RNF157: variants seen among roughly 807,000 people sequenced by gnomAD.
RNF157 encodes ring finger protein 157, also known as E3 ubiquitin ligase RNF157.
In RNF157, 55 loss-of-function variants were observed where a neutral mutation model predicts 88.3. That is an observed-to-expected ratio of 0.62 (90% CI 0.50 to 0.78). The LOEUF (loss-of-function observed/expected upper bound fraction) is 0.78, where lower values mean the gene tolerates loss of function less well. Among genes scored for constraint, RNF157 ranks in the 30% least tolerant of loss-of-function variants. The probability of loss-of-function intolerance (pLI) is 0.00; values close to 1 mark genes in which losing one functional copy is unlikely to be tolerated. For synonymous variants in RNF157, 334 were observed against 341.2 expected (o/e 0.98, Z 0.23); for missense variants, 788 against 860.8 (o/e 0.92, Z 1.06).
intron 2 of RNF157, among the ~76,000 whole-genome samples, chr17:76,179,814 A>AACAG (rs1252926817): frequency 1.3e-5 from 2 of 152,242 alleles, no homozygotes; most frequent in Admixed American, 1.3e-4. Flanking sequence ...TGAAGCTCAG[A>AACAG]ACAGATTCAG....
At chr17:76,199,100 G>A (rs2069527405) in intron 2 of RNF157, among the ~76,000 whole-genome samples, 1 of 152,226 alleles carries the variant, frequency 6.6e-6, no homozygotes. Flanking sequence ...GAATAATGAA[G>A]GAGTGAGCCA....
intron 2 of RNF157, among the ~76,000 whole-genome samples, chr17:76,180,313 G>A (rs1207265622): frequency 6.6e-6 from 1 of 152,160 alleles, no homozygotes; most frequent in Non-Finnish European, 1.5e-5. Flanking sequence ...GGTCTGCTCA[G>A]GGATTTGGGG....
At position 76,145,200 on chromosome 17, in the gene RNF157, G is replaced by C; in HGVS notation, c.*35C>G. 2.1e-6 allele frequency: 3 copies of C among 1,395,632 alleles called. No individual in the cohort carries two copies. The highest frequency in any genetic ancestry group is 3.0e-6 in the Non-Finnish European group (3 of 988,718). The allele number at this position is 1,395,632 out of a possible 1,614,324, so 86.5% of individuals were successfully genotyped here. Reference sequence around the variant, plus strand: ...GCTGAGTGAGGATGGATGGAATGCAGGGCAGGAGGGGAGCCCAAGTGCAGA... The same window carrying C: ...GCTGAGTGAGGATGGATGGAATGCACGGCAGGAGGGGAGCCCAAGTGCAGA... On this transcript the variant is annotated 3_prime_UTR_variant, in exon 19 of 19. Coordinates refer to ENST00000269391, the MANE Select transcript of RNF157 (RefSeq NM_052916.3).
chr17:76,186,939 CAAAA>C (rs1257008922), intron 2 of RNF157, among the ~76,000 whole-genome samples: 1 of 112,308 alleles, frequency 8.9e-6, no homozygotes, highest in African/African-American at 3.6e-5. Context: ...GACTCCGACT[CAAAA>C]TAAATAAATA....
chr17:76,217,278 G>A (rs897323031), intron 1 of RNF157, among the ~76,000 whole-genome samples: 1 of 151,750 alleles, frequency 6.6e-6, no homozygotes, highest in African/African-American at 2.4e-5. Flanking sequence ...CAAAGTGTTG[G>A]GATTACAGGT....
At chr17:76,202,177 TGAGA>T (rs1441483117) in intron 2 of RNF157, among the ~76,000 whole-genome samples, 1 of 138,316 alleles carries the variant, frequency 7.2e-6, no homozygotes, top group East Asian at 2.2e-4. Flanking sequence ...CACACGTGCA[TGAGA>T]AAGACACCCG....
intron 1 of RNF157, among the ~76,000 whole-genome samples, chr17:76,225,423 A>C (rs990487230): frequency 6.6e-6 from 1 of 152,244 alleles, no homozygotes; most frequent in African/African-American, 2.4e-5. Flanking sequence ...CATAAGAAGT[A>C]ACTCCACTAT....
In RNF157 at chr17:76,161,487, C is replaced by A; in HGVS notation, c.1065+48G>T. ...AGAAGCATGAAAAGTTTAAAAAAGCCAATGAGGCATTTGCTTCAGAGGGGC... is the reference window on the plus strand; with the variant it reads ...AGAAGCATGAAAAGTTTAAAAAAGCAAATGAGGCATTTGCTTCAGAGGGGC... On this transcript the variant is annotated intron_variant, in intron 11 of 18. Transcript: ENST00000269391. This position sits in a 1 kb window ranked among gnomAD's most constrained non-coding sequence, Gnocchi z 4.6. 2 of 1,371,008 alleles carry A rather than the reference C, an allele frequency of 1.5e-6. No homozygotes were observed. The highest frequency in any genetic ancestry group is 1.2e-5 in the South Asian group (1 of 86,190). The allele number at this position is 1,371,008 out of a possible 1,614,324, so 84.9% of individuals were successfully genotyped here.
intron 1 of RNF157, chr17:76,225,894 C>A (rs950621440): frequency 1.2e-6 from 2 of 1,613,542 alleles, no homozygotes; most frequent in South Asian, 1.1e-5. Flanking sequence ...CCAGTGAGAG[C>A]CTCCTGCTCC....
Position 76,165,482 on chromosome 17 carries a change from G to C in RNF157, c.672+20C>G, listed in dbSNP as rs1211423818. On this transcript the variant is annotated intron_variant, in intron 7 of 18. Coordinates refer to ENST00000269391, the MANE Select transcript of RNF157 (RefSeq NM_052916.3). ...GAAAGGGCTAAAGGCAATAAAGCGA[G>C]GCCCTCTAAAGTCACTCACCTTCTC... 6 of 1,613,252 alleles carry C rather than the reference G, an allele frequency of 3.7e-6. No individual in the cohort carries two copies. Among genetic ancestry groups the C allele is most frequent in the Non-Finnish European group, 5.1e-6 (6 of 1,179,394 alleles).
At position 76,161,598 on chromosome 17, in the gene RNF157, G is replaced by A. The variant is rs1204291714; in HGVS notation, c.1002C>T (p.Pro334=). ...TGGGGTTAAAGCTGGTTGGGGACAAGGGGCCCAATTTTTTCCTCATGGCTC... is the reference window on the plus strand; with the variant it reads ...TGGGGTTAAAGCTGGTTGGGGACAAAGGGCCCAATTTTTTCCTCATGGCTC... ...QIRAMRKKLG[P]LSPTSFNPII... is the part of the protein sequence containing the mutation. The change falls in exon 11 of 19, where the codon CCC becomes CCT. Residue 334 remains proline, a synonymous_variant. Transcript: ENST00000269391. This position sits in a 1 kb window ranked among gnomAD's most constrained non-coding sequence, Gnocchi z 4.6. 1 of 1,614,068 alleles carries A rather than the reference G, an allele frequency of 6.2e-7. No individual in the cohort carries two copies.
chr17:76,216,890 C>A (rs1173428924), intron 1 of RNF157, among the ~76,000 whole-genome samples: 9 of 144,838 alleles, frequency 6.2e-5, no homozygotes, highest in East Asian at 2.0e-4. Context: ...GACCCTGTGT[C>A]AAAAAAAAAC....
chr17:76,226,776 C>A, intron 1 of RNF157: 1 of 1,571,368 alleles, frequency 6.4e-7, no homozygotes, highest in Non-Finnish European at 8.6e-7. Flanking sequence ...CCCACCAACA[C>A]CTCGTTGCTC....
rs538247295 is a variant in RNF157 at position 76,182,043 on chromosome 17, C to T, written c.208-8253G>A. On this transcript the variant is annotated intron_variant, in intron 2 of 18. Coordinates refer to ENST00000269391, the MANE Select transcript of RNF157 (RefSeq NM_052916.3). Reference sequence around the variant, plus strand: ...GGACACAGTGAAGAGTCAAGCAAACCTCTCTTAGTTCCATCTGTAAAGGGG... The same window carrying T: ...GGACACAGTGAAGAGTCAAGCAAACTTCTCTTAGTTCCATCTGTAAAGGGG... 2.6e-5 allele frequency among the ~76,000 whole-genome samples: 4 copies of T among 152,206 alleles called. No individual in the cohort carries two copies. The South Asian group carries it at 8.3e-4, about 32-fold the overall frequency.
chr17:76,202,639 A>AT (rs756027019), intron 2 of RNF157: 463 of 155,752 alleles, frequency 3.0e-3, no homozygotes, highest in South Asian at 6.0e-3. Context: ...GAGCGCTACT[A>AT]TTTTTTTTTT....
chr17:76,200,219 G>A (rs2069550626), intron 2 of RNF157, among the ~76,000 whole-genome samples: 1 of 151,624 alleles, frequency 6.6e-6, no homozygotes, highest in Non-Finnish European at 1.5e-5. Flanking sequence ...GCCAGCCTGG[G>A]CGACAGAGCG....
At chr17:76,152,540 C>T in intron 17 of RNF157, 75 bp from the exon 18 acceptor site, 3 of 868,366 alleles carry the variant, frequency 3.5e-6, no homozygotes, top group Non-Finnish European at 3.8e-6. Context: ...AAATAAAAAT[C>T]TTAAGGATGG....
At chr17:76,177,152 G>A (rs911694688) in intron 2 of RNF157, among the ~76,000 whole-genome samples, 7 of 152,268 alleles carry the variant, frequency 4.6e-5, no homozygotes, top group African/African-American at 1.7e-4. Flanking sequence ...CCCCGGCCCA[G>A]TGAGGACCTG....
intron 2 of RNF157, among the ~76,000 whole-genome samples, chr17:76,175,288 T>C (rs973943962): frequency 6.6e-6 from 1 of 152,228 alleles, no homozygotes; most frequent in Admixed American, 6.5e-5. Flanking sequence ...GCTATAAATG[T>C]TGTGGTGAAT....
Sources: gnomAD v4.1 joint callset for allele counts (sites outside exome capture counted in the v4.1 genomes callset) on GRCh38, gnomAD v4.1.1 for gene constraint, Gnocchi (gnomAD v3.1) non-coding constraint, MANE v1.5 for transcripts, NCBI Gene and HGNC (gene_info 2026-07-23, HGNC 2026-07-21) for gene names.